PLEKHM3: variants seen among roughly 807,000 people sequenced by gnomAD.
PLEKHM3 encodes pleckstrin homology domain containing M3.
PLEKHM3 carries 45 observed loss-of-function variants against 81.8 expected under a neutral mutation model. The ratio of observed to expected loss-of-function variants is 0.55; its 90% CI spans 0.43 to 0.71. The LOEUF is 0.71. Ranked by LOEUF, PLEKHM3 falls within the 30% of genes least tolerant of loss-of-function variation. The pLI is 0.00. For missense variants in PLEKHM3, 788 were observed against 924.3 expected (o/e 0.85, Z 1.91); for synonymous variants, 352 against 356.4 (o/e 0.99, Z 0.14).
At chr2:207,894,799 T>G (rs560874855) in intron 6 of PLEKHM3, among the ~76,000 whole-genome samples, 2 of 152,126 alleles carry the variant, frequency 1.3e-5, no homozygotes, top group Non-Finnish European at 2.9e-5. Flanking sequence ...TGAAAAAACA[T>G]AACAAAACAG....
chr2:207,849,648 C>T (rs1279928729), intron 7 of PLEKHM3, among the ~76,000 whole-genome samples: 2 of 152,198 alleles, frequency 1.3e-5, no homozygotes. Context: ...CTGACCAGGG[C>T]AGGCTTATGC....
chr2:207,859,614 T>G (rs543496300), intron 7 of PLEKHM3, among the ~76,000 whole-genome samples: 1 of 152,100 alleles, frequency 6.6e-6, no homozygotes, highest in East Asian at 1.9e-4. Flanking sequence ...GTTTTTTTTT[T>G]TTAGACAGAG....
At chr2:207,870,200 C>T (rs956676594) in intron 6 of PLEKHM3, among the ~76,000 whole-genome samples, 4 of 152,100 alleles carry the variant, frequency 2.6e-5, no homozygotes, top group African/African-American at 9.7e-5. Context: ...CCACAAAATT[C>T]AAAATTTATG....
intron 5 of PLEKHM3, among the ~76,000 whole-genome samples, chr2:207,920,339 A>T (rs1689138603): frequency 6.6e-6 from 1 of 152,198 alleles, no homozygotes; most frequent in African/African-American, 2.4e-5. Flanking sequence ...CTGGAGAGAG[A>T]CGAGTTTTAC....
chr2:207,868,349 T>C (rs1036638839), intron 6 of PLEKHM3, among the ~76,000 whole-genome samples: 1 of 152,106 alleles, frequency 6.6e-6, no homozygotes, highest in Non-Finnish European at 1.5e-5. Context: ...TGGATAGTGG[T>C]GGACTCATTA....
chr2:207,880,762 C>CAAAAAAA lies in PLEKHM3; in HGVS notation c.1951-19507_1951-19501dup, dbSNP rs61384566. The stretch of plus-strand genomic sequence containing the variant: ...TGGGAGACACAGCGAGACTCTGTCT[C>CAAAAAAA]AAAAAAAAAAAAAAAAAAAAAAAAA... On this transcript the variant is annotated intron_variant, in intron 6 of 7. Coordinates refer to ENST00000427836, the MANE Select transcript of PLEKHM3 (RefSeq NM_001080475.3). 6.2e-3 allele frequency among the ~76,000 whole-genome samples: 43 copies of CAAAAAAA among 6,966 alleles called. 10 individuals are homozygous for CAAAAAAA. Among genetic ancestry groups the CAAAAAAA allele is most frequent in the African/African-American group, 0.012 (43 of 3,714 alleles). The allele number at this position is 6,966 out of a possible 152,430, so 4.6% of individuals were successfully genotyped here. A position where few individuals can be genotyped will look rare whatever the true frequency, so the allele number is the denominator to read the frequency against.
At chr2:207,920,363 T>C (rs1283780101) in intron 5 of PLEKHM3, among the ~76,000 whole-genome samples, 2 of 152,190 alleles carry the variant, frequency 1.3e-5, no homozygotes, top group African/African-American at 4.8e-5. Context: ...TATACCGTAA[T>C]GGGCTATGGA....
Position 207,930,987 on chromosome 2 carries a change from T to TCAGCCGCTGCCG in PLEKHM3, c.1813_1824dup (p.Arg605_Leu608dup). 6.2e-7 allele frequency: 1 copy of TCAGCCGCTGCCG among 1,613,774 alleles called. No individual in the cohort carries two copies. The highest frequency in any genetic ancestry group is 8.5e-7 in the Non-Finnish European group (1 of 1,179,716). On this transcript the variant is annotated inframe_insertion, in exon 5 of 8. Transcript: ENST00000427836. Reference sequence around the variant, plus strand: ...CTGAACAAATAGGCTCGGAGCGACTTCAGCCGCTGCCGCAGCCGCAGCACG... The same window carrying TCAGCCGCTGCCG: ...CTGAACAAATAGGCTCGGAGCGACTTCAGCCGCTGCCGCAGCCGCTGCCGCAGCCGCAGCACG...
intron 6 of PLEKHM3, among the ~76,000 whole-genome samples, chr2:207,865,801 A>AAAAAAAAAAAAATATATATATATATATAT: frequency 7.9e-5 from 2 of 25,290 alleles, no homozygotes; most frequent in Non-Finnish European, 7.6e-5. Flanking sequence ...AAAAAAAAAA[A>AAAAAAAAAAAAATATATATATATATATAT]AGATATATAT....
chr2:208,007,567 T>A (rs976868999), intron 1 of PLEKHM3, among the ~76,000 whole-genome samples: 2 of 152,164 alleles, frequency 1.3e-5, no homozygotes, highest in Non-Finnish European at 2.9e-5. Context: ...CTACATTTTA[T>A]CTAAGTTTAA....
At chr2:208,000,638 G>C (rs901781366) in intron 2 of PLEKHM3, among the ~76,000 whole-genome samples, 1 of 152,154 alleles carries the variant, frequency 6.6e-6, no homozygotes, top group Non-Finnish European at 1.5e-5. Context: ...TCCTAGCATA[G>C]GCTCAGCCCA....
At chr2:207,902,262 G>A (rs1483411462) in intron 6 of PLEKHM3, among the ~76,000 whole-genome samples, 6 of 152,234 alleles carry the variant, frequency 3.9e-5, no homozygotes, top group Non-Finnish European at 8.8e-5. Flanking sequence ...TGCTGACTCT[G>A]TGAGAGCGTC....
At chr2:207,924,323 G>A (rs16840175) in intron 5 of PLEKHM3, among the ~76,000 whole-genome samples, 2,051 of 152,184 alleles carry the variant, frequency 0.013, 48 homozygotes, top group African/African-American at 0.046. Flanking sequence ...TGGGCCAAAC[G>A]TTGTCACCTT....
Position 207,976,123 on chromosome 2 carries a change from G to A in PLEKHM3, c.1546+528C>T, listed in dbSNP as rs138103755. 3.9e-5 allele frequency among the ~76,000 whole-genome samples: 6 copies of A among 152,194 alleles called. No homozygotes were observed. Among genetic ancestry groups the A allele is most frequent in the East Asian group, 1.9e-4 (1 of 5,192 alleles). On this transcript the variant is annotated intron_variant, in intron 3 of 7. Transcript: ENST00000427836. This position sits in a 1 kb window ranked among gnomAD's most constrained non-coding sequence, Gnocchi z 4.1. The stretch of plus-strand genomic sequence containing the variant: ...CATCTGCTGAATCATCATTTACTCC[G>A]CTTTTAGCCACCCCCACATTTTCTG...
At chr2:207,936,058 C>T (rs1445672856) in intron 4 of PLEKHM3, among the ~76,000 whole-genome samples, 1 of 152,232 alleles carries the variant, frequency 6.6e-6, no homozygotes, top group Non-Finnish European at 1.5e-5. Context: ...TCATAGTTCA[C>T]TGTAACTTCG....
chr2:207,863,913 A>AT (rs199896327), intron 6 of PLEKHM3, among the ~76,000 whole-genome samples: 45,834 of 150,322 alleles, frequency 0.3, 7,450 homozygotes, highest in Non-Finnish European at 0.38. Context: ...AAAGCAAAAA[A>AT]AATATATATA....
intron 6 of PLEKHM3, chr2:207,868,947 AAAT>A (rs1292644979): frequency 6.6e-6 from 1 of 152,206 alleles, no homozygotes; most frequent in African/African-American, 2.4e-5. Flanking sequence ...GTATTGCTGT[AAAT>A]AAGAAAACAG....
chr2:207,877,911 T>C (rs972301627), intron 6 of PLEKHM3, among the ~76,000 whole-genome samples: 1 of 152,106 alleles, frequency 6.6e-6, no homozygotes, highest in Non-Finnish European at 1.5e-5. Context: ...GACTGACTGT[T>C]TGATATGTGC....
chr2:207,838,766 T>G (rs1347090595), intron 7 of PLEKHM3, among the ~76,000 whole-genome samples: 2 of 152,184 alleles, frequency 1.3e-5, no homozygotes, highest in African/African-American at 4.8e-5. Context: ...AAAAATCTGT[T>G]TAATATTAGA....
Sources: allele counts gnomAD v4.1 joint callset (sites outside exome capture counted in the v4.1 genomes callset), GRCh38; gene constraint gnomAD v4.1.1; non-coding constraint Gnocchi (gnomAD v3.1); transcripts MANE v1.5; gene names NCBI Gene and HGNC (gene_info 2026-07-23, HGNC 2026-07-21).